The following CTNND2 variants were observed in gnomAD, a reference collection of about 807,000 sequenced individuals.
CTNND2 encodes the protein catenin delta 2.
In CTNND2, 22 loss-of-function variants were observed where a neutral mutation model predicts 144.4. The observed-to-expected ratio is 0.15, with a 90% confidence interval of 0.11 to 0.22. The LOEUF is 0.22. CTNND2 is among the 10% of genes least tolerant of loss of function. The probability of loss-of-function intolerance (pLI) is 1.00; values close to 1 mark genes in which losing one functional copy is unlikely to be tolerated. For synonymous variants in CTNND2, 751 were observed against 695.6 expected (o/e 1.08, Z -1.25); for missense variants, 1,353 against 1,618.8 (o/e 0.84, Z 2.82).
At position 11,117,628 on chromosome 5, in the gene CTNND2, A is replaced by G. The variant is rs375203588; in HGVS notation, c.2160-61T>C. 4 of 1,293,304 alleles carry G rather than the reference A, an allele frequency of 3.1e-6. No individual in the cohort carries two copies. In the South Asian group the frequency reaches 4.7e-5, roughly 15 times the overall value. 80.1% of individuals were successfully genotyped at this position (1,293,304 alleles called of 1,614,324 possible). A position where few individuals can be genotyped will look rare whatever the true frequency, so the allele number is the denominator to read the frequency against. On this transcript the variant is annotated intron_variant, in intron 12 of 21. Transcript: ENST00000304623. ...GTTGTCACCAAAAGAATGTCTTTCC[A>G]TGCCCAGCTGCTCTCATAGTTTGAA...
chr5:11,450,222 C>T (rs1765180567), intron 3 of CTNND2, among the ~76,000 whole-genome samples: 1 of 152,140 alleles, frequency 6.6e-6, no homozygotes, highest in South Asian at 2.1e-4. Context: ...TGGGCTGCCC[C>T]ACATGAGAAA....
intron 3 of CTNND2, among the ~76,000 whole-genome samples, chr5:11,501,000 A>G (rs1381651117): frequency 6.6e-6 from 1 of 152,176 alleles, no homozygotes; most frequent in Non-Finnish European, 1.5e-5. Flanking sequence ...ACTGCTTTAT[A>G]GTATCTCTTT....
At chr5:11,437,526 G>C (rs1310456504) in intron 3 of CTNND2, among the ~76,000 whole-genome samples, 2 of 152,212 alleles carry the variant, frequency 1.3e-5, no homozygotes, top group Non-Finnish European at 2.9e-5. Flanking sequence ...ACGGAGAGAT[G>C]ATGTGAGAAC....
intron 21 of CTNND2, among the ~76,000 whole-genome samples, chr5:10,977,156 G>C (rs1220912194): frequency 6.6e-6 from 1 of 152,202 alleles, no homozygotes; most frequent in Non-Finnish European, 1.5e-5. Context: ...CTTCCTGGCT[G>C]GGGGACTGAA....
intron 1 of CTNND2, among the ~76,000 whole-genome samples, chr5:11,744,385 A>G (rs942732086): frequency 3.3e-5 from 5 of 152,192 alleles, no homozygotes; most frequent in Non-Finnish European, 7.3e-5. Flanking sequence ...TTAGGCTCTC[A>G]GGGCAGAACT....
intron 8 of CTNND2, among the ~76,000 whole-genome samples, chr5:11,350,368 T>C (rs902071099): frequency 6.6e-6 from 1 of 151,770 alleles, no homozygotes; most frequent in Non-Finnish European, 1.5e-5. Context: ...ATAAAAAATA[T>C]ATATATAATT....
intron 16 of CTNND2, among the ~76,000 whole-genome samples, chr5:11,046,353 A>G (rs1384598968): frequency 6.6e-6 from 1 of 152,238 alleles, no homozygotes; most frequent in African/African-American, 2.4e-5. Flanking sequence ...ATCTATTGAC[A>G]GCAAATCAGC....
At chr5:11,863,890 T>C (rs1187982194) in intron 1 of CTNND2, among the ~76,000 whole-genome samples, 4 of 152,320 alleles carry the variant, frequency 2.6e-5, no homozygotes, top group Admixed American at 6.5e-5. Flanking sequence ...ATAGATATAA[T>C]AGATAACTGA....
At chr5:11,840,459 GAGGTCTGAAT>G (rs1443684185) in intron 1 of CTNND2, among the ~76,000 whole-genome samples, 5 of 152,112 alleles carry the variant, frequency 3.3e-5, no homozygotes, top group Admixed American at 6.5e-5. Flanking sequence ...GGGAAACCTA[GAGGTCTGAAT>G]AATCAAGACG....
intron 17 of CTNND2, among the ~76,000 whole-genome samples, chr5:11,020,595 G>C (rs1450406871): frequency 6.6e-6 from 1 of 152,160 alleles, no homozygotes; most frequent in Non-Finnish European, 1.5e-5. Flanking sequence ...TGAGTTTCAT[G>C]CTCAAATTTG....
At chr5:11,179,627 T>C (rs746756360) in intron 11 of CTNND2, among the ~76,000 whole-genome samples, 11 of 152,158 alleles carry the variant, frequency 7.2e-5, no homozygotes, top group South Asian at 2.1e-4. Flanking sequence ...GAGATATGGT[T>C]TTAAAAAATC....
At chr5:11,385,316 G>T (rs1237809390) in intron 6 of CTNND2, 87 bp from the exon 7 acceptor site, 1 of 907,478 alleles carries the variant, frequency 1.1e-6, no homozygotes, top group South Asian at 5.0e-5. Flanking sequence ...GAGAGCAGAG[G>T]CACACCGGGG....
At chr5:11,864,146 C>T (rs1319751415) in intron 1 of CTNND2, among the ~76,000 whole-genome samples, 1 of 152,130 alleles carries the variant, frequency 6.6e-6, no homozygotes, top group Non-Finnish European at 1.5e-5. Flanking sequence ...CCACTCCCCA[C>T]AACGAAAGGC....
intron 2 of CTNND2, among the ~76,000 whole-genome samples, chr5:11,575,400 T>TAAAAGTGC (rs1437053643): frequency 1.3e-5 from 2 of 152,214 alleles, no homozygotes; most frequent in African/African-American, 4.8e-5. Flanking sequence ...TAGATCACTT[T>TAAAAGTGC]TATAGCACTT....
At chr5:11,182,832 G>C (rs1735230189) in intron 11 of CTNND2, among the ~76,000 whole-genome samples, 1 of 152,152 alleles carries the variant, frequency 6.6e-6, no homozygotes, top group Non-Finnish European at 1.5e-5. Flanking sequence ...CTCAGATTGT[G>C]TTTCATTACA....
intron 9 of CTNND2, among the ~76,000 whole-genome samples, chr5:11,253,029 T>A (rs552737515): frequency 5.0e-4 from 76 of 152,318 alleles, no homozygotes; most frequent in African/African-American, 1.8e-3. Context: ...ATCTCTGCTA[T>A]GCTTTCTCCA....
At position 11,041,749 on chromosome 5, in the gene CTNND2, C is replaced by G. The variant is rs148051042; in HGVS notation, c.2789-18770G>C. Among the ~76,000 whole-genome samples the G allele has an allele frequency of 4.0e-4, 61 of 152,296 alleles. No homozygotes were observed. The East Asian group carries it at 0.011, about 27-fold the overall frequency. On this transcript the variant is annotated intron_variant, in intron 16 of 21. Transcript: ENST00000304623. ...TAAGAAGGTACAACAGCACTTTGAT[C>G]ACTGAAAATTGCATTCATATTTATC...
Position 11,494,379 on chromosome 5 carries a change from T to C in CTNND2, c.287+70565A>G, listed in dbSNP as rs560862312. 4.6e-5 allele frequency among the ~76,000 whole-genome samples: 7 copies of C among 152,298 alleles called. No homozygotes were observed. The South Asian group carries it at 1.4e-3, about 32-fold the overall frequency. On this transcript the variant is annotated intron_variant, in intron 3 of 21. Coordinates refer to ENST00000304623, the MANE Select transcript of CTNND2 (RefSeq NM_001332.4). Reference sequence around the variant, plus strand: ...CAGTTTTACCAATCACTTACTGCATTCGTCTGTTTACAAAAAAAGAGAGTG... The same window carrying C: ...CAGTTTTACCAATCACTTACTGCATCCGTCTGTTTACAAAAAAAGAGAGTG...
intron 9 of CTNND2, among the ~76,000 whole-genome samples, chr5:11,333,581 C>A (rs1753409530): frequency 6.6e-6 from 1 of 152,146 alleles, no homozygotes; most frequent in Non-Finnish European, 1.5e-5. Flanking sequence ...TCAGACATAA[C>A]AAATCATCAT....
Sources: gnomAD v4.1 joint callset for allele counts (sites outside exome capture counted in the v4.1 genomes callset) on GRCh38, gnomAD v4.1.1 for gene constraint, MANE v1.5 for transcripts, NCBI Gene and HGNC (gene_info 2026-07-23, HGNC 2026-07-21) for gene names.